The following TTC39A variants were observed in gnomAD, a reference collection of about 807,000 sequenced individuals.
The protein encoded by TTC39A is tetratricopeptide repeat protein 39A.
In TTC39A, 46 loss-of-function variants were observed where a neutral mutation model predicts 82.3. The observed-to-expected ratio is 0.56, with a 90% CI of 0.44 to 0.71. The LOEUF (loss-of-function observed/expected upper bound fraction) is 0.71, where lower values mean the gene tolerates loss of function less well. TTC39A is among the 30% of genes least tolerant of loss of function. The pLI, the probability that TTC39A is intolerant of heterozygous loss-of-function variation, is 0.00. For synonymous variants in TTC39A, 254 were observed against 275.2 expected, an observed-to-expected ratio of 0.92 and a Z score of 0.76; for missense variants, 543 against 712.9, an observed-to-expected ratio of 0.76 and a Z score of 2.71.
chr1:51,312,752 G>A (rs568931424), intron 3 of TTC39A, 60 bp downstream of exon 3: 42 of 1,587,026 alleles, frequency 2.6e-5, no homozygotes, highest in Non-Finnish European at 3.6e-5. Context: ...CCTGGAATGG[G>A]CCAGGGTGAC....
intron 1 of TTC39A, among the ~76,000 whole-genome samples, chr1:51,323,578 C>G (rs559223947): frequency 4.6e-5 from 7 of 152,308 alleles, no homozygotes; most frequent in Non-Finnish European, 8.8e-5. Flanking sequence ...TAACTAACTT[C>G]TATACTATCT....
chr1:51,288,262 G>A lies in TTC39A; in HGVS notation c.1629C>T (p.Tyr543=). Residue 543 remains tyrosine, a synonymous_variant, in exon 18 of 18, where the codon TAC becomes TAT. Coordinates refer to ENST00000680483, the MANE Select transcript of TTC39A (RefSeq NM_001297663.2). This position sits in a 1 kb window ranked among gnomAD's most constrained non-coding sequence, Gnocchi z 4.8. ...GAAAGTGTGTCCTTGACTCCATGGA[G>A]TAATTCTTGTAGTTTTGCCTGGAAT... The part of the protein sequence containing the change: ...LESAKQNYKN[Y]SMESRTHFRI... The A allele has an allele frequency of 3.1e-6, 5 of 1,614,018 alleles. No homozygotes were observed. The highest frequency in any genetic ancestry group is 4.2e-6 in the Non-Finnish European group (5 of 1,179,872).
At chr1:51,306,170 G>T in intron 6 of TTC39A, 94 bp from the exon 7 acceptor site, 3 of 964,182 alleles carry the variant, frequency 3.1e-6, no homozygotes, top group South Asian at 1.4e-5. Context: ...TAAACTCCCT[G>T]GTGGTGGATT....
chr1:51,322,245 C>T, intron 1 of TTC39A: 1 of 1,492,138 alleles, frequency 6.7e-7, no homozygotes, highest in Non-Finnish European at 8.9e-7. Context: ...CCAAGGCCTC[C>T]TCCCTCCCCC....
chr1:51,320,416 CTTTTTTTT>C (rs57261779), intron 2 of TTC39A, among the ~76,000 whole-genome samples: 1 of 79,452 alleles, frequency 1.3e-5, no homozygotes. Flanking sequence ...TTTTCTTTTT[CTTTTTTTT>C]TTTTTTTTTT....
intron 1 of TTC39A, among the ~76,000 whole-genome samples, chr1:51,341,562 T>G (rs142691258): frequency 1.3e-5 from 2 of 152,156 alleles, no homozygotes; most frequent in African/African-American, 4.8e-5. Context: ...CAAAGGTTGC[T>G]TGAATGTCTT....
chr1:51,325,025 C>T (rs571597541), intron 1 of TTC39A, among the ~76,000 whole-genome samples: 24 of 151,252 alleles, frequency 1.6e-4, no homozygotes, highest in East Asian at 7.9e-4. Flanking sequence ...GAGGCTGAGG[C>T]GGGCGGATCA....
Position 51,330,519 on chromosome 1 carries a change from T to C in TTC39A, c.-42A>G, listed in dbSNP as rs2148312343. On this transcript the variant is annotated 5_prime_UTR_variant, in exon 1 of 18. Transcript: ENST00000680483. This position sits in a 1 kb window ranked among gnomAD's most constrained non-coding sequence, Gnocchi z 4.5. ...CGGCGCTGCCCCAGCCGGACGCCAA[T>C]CGCGGCCCAGGTGCTGCCGCCGCAA... 3.1e-6 allele frequency: 3 copies of C among 982,464 alleles called. No homozygotes were observed. The highest frequency in any genetic ancestry group is 1.3e-4 in the Admixed American group (2 of 15,798). 60.9% of individuals were successfully genotyped at this position (982,464 alleles called of 1,614,324 possible).
chr1:51,292,516 G>A (rs2148115486), intron 14 of TTC39A, among the ~76,000 whole-genome samples: 1 of 152,040 alleles, frequency 6.6e-6, no homozygotes, highest in South Asian at 2.1e-4. Context: ...CTGTAGCCTT[G>A]ACCTCCTGGG....
chr1:51,312,921 A>C lies in TTC39A; in HGVS notation c.169T>G (p.Ser57Ala), dbSNP rs368187654. 1 of 1,613,732 alleles carries C rather than the reference A, an allele frequency of 6.2e-7. No individual in the cohort carries two copies. Among genetic ancestry groups the C allele is most frequent in the Admixed American group, 1.7e-5 (1 of 60,016 alleles). Residue 57 changes from serine to alanine, a missense_variant, in exon 3 of 18, where the codon TCA becomes GCA. Transcript: ENST00000680483. ...KPRTKESMYHSLTYATILEMQ... is the reference protein window; with the variant it reads ...KPRTKESMYHALTYATILEMQ... ...TCCAGGATGGTGGCATATGTCAGTG[A>C]GTGGTACATGCTTTCCTTGGTTCTG...
At chr1:51,308,818 C>T (rs1249103718) in intron 6 of TTC39A, among the ~76,000 whole-genome samples, 1 of 152,028 alleles carries the variant, frequency 6.6e-6, no homozygotes, top group Non-Finnish European at 1.5e-5. Context: ...TGCATGTGTG[C>T]ATGTGCATGT....
At chr1:51,305,720 AT>A in intron 7 of TTC39A, 1 of 529,440 alleles carries the variant, frequency 1.9e-6, no homozygotes, top group South Asian at 2.3e-5. Context: ...AGGTTCCACC[AT>A]GGTGGATTTC....
chr1:51,330,691 A>T, upstream of TTC39A: 1 of 922,916 alleles, frequency 1.1e-6, no homozygotes. The surrounding 1 kb of genome is among the most constrained non-coding windows in gnomAD (Gnocchi z 4.5). Flanking sequence ...GCGCTCCCGC[A>T]CCGCCGGGGG....
At position 51,336,684 on chromosome 1, in the gene TTC39A, A is replaced by G. The variant is rs376613331; in HGVS notation, c.53+8307T>C. On this transcript the variant is annotated intron_variant, in intron 1 of 5. Coordinates refer to the TTC39A transcript ENST00000401051. ...ACTATGTCCTAGCTGGGCAGTCCCA[A>G]GCAATTCATCCGATTAGAGAATAGT... Among the ~76,000 whole-genome samples the G allele has an allele frequency of 9.2e-5, 14 of 152,280 alleles. No individual in the cohort carries two copies. The East Asian group carries it at 2.5e-3, about 27-fold the overall frequency.
chr1:51,327,699 AT>A (rs558622704), intron 1 of TTC39A, among the ~76,000 whole-genome samples: 1,524 of 138,368 alleles, frequency 0.011, 4 homozygotes, highest in Middle Eastern at 0.022. Flanking sequence ...ATGTATTGCC[AT>A]TTTTTTTTTT....
chr1:51,290,201 G>C lies in TTC39A; in HGVS notation c.1379-82C>G. The C allele has an allele frequency of 2.3e-6, 3 of 1,294,386 alleles. No homozygotes were observed. In the South Asian group the frequency reaches 4.1e-5, roughly 18 times the overall value. 80.2% of individuals were successfully genotyped at this position (1,294,386 alleles called of 1,614,324 possible). On this transcript the variant is annotated intron_variant, in intron 15 of 17. Coordinates refer to ENST00000680483, the MANE Select transcript of TTC39A (RefSeq NM_001297663.2). ...TTATGGAGCCCCCTACTTTGTGCTAGGTCAAAGGGACACAGGTAAATCAGA... is the reference window on the plus strand; with the variant it reads ...TTATGGAGCCCCCTACTTTGTGCTACGTCAAAGGGACACAGGTAAATCAGA...
At chr1:51,317,563 A>C (rs1413924980) in intron 2 of TTC39A, among the ~76,000 whole-genome samples, 1 of 152,240 alleles carries the variant, frequency 6.6e-6, no homozygotes, top group African/African-American at 2.4e-5. Flanking sequence ...AGCCTGGCCA[A>C]AATCGTGAAA....
chr1:51,330,596 G>C (rs916757924), upstream of TTC39A: 6 of 982,900 alleles, frequency 6.1e-6, no homozygotes, highest in Admixed American at 3.1e-4. This position sits in a 1 kb window ranked among gnomAD's most constrained non-coding sequence, Gnocchi z 4.5. Context: ...GGAGGGGCGC[G>C]CCGGGGGCGG....
Position 51,321,809 on chromosome 1 carries a change from G to GGCT in TTC39A, c.55_57dup (p.Ser19dup), listed in dbSNP as rs1451794674. ...ATGCACTGGTCCAGGGCCTCATGGA[G>GGCT]GCTGCTCTCAGGAGTCCTGGGGGAA... On this transcript the variant is annotated inframe_insertion, in exon 2 of 18. Transcript: ENST00000680483. The surrounding 1 kb of genome is among the most constrained non-coding windows in gnomAD (Gnocchi z 4.6). 2 of 1,613,560 alleles carry GGCT rather than the reference G, an allele frequency of 1.2e-6. No individual in the cohort carries two copies. The highest frequency in any genetic ancestry group is 1.7e-6 in the Non-Finnish European group (2 of 1,179,800).
Sources: gnomAD v4.1 joint callset for allele counts (sites outside exome capture counted in the v4.1 genomes callset) on GRCh38, gnomAD v4.1.1 for gene constraint, Gnocchi (gnomAD v3.1) non-coding constraint, MANE v1.5 for transcripts, NCBI Gene and HGNC (gene_info 2026-07-23, HGNC 2026-07-21) for gene names.